The following VPS50 variants were observed in gnomAD, a reference collection of about 807,000 sequenced individuals.
VPS50 encodes the protein VPS50 subunit of EARP/GARPII complex, also known as syndetin.
In VPS50, 70 loss-of-function variants were observed where a neutral mutation model predicts 139.7. The observed-to-expected ratio is 0.50, with a 90% CI of 0.41 to 0.61. The LOEUF (loss-of-function observed/expected upper bound fraction) is 0.61. Ranked by LOEUF, VPS50 falls within the 20% of genes least tolerant of loss-of-function variation. VPS50 has a pLI of 0.00. For missense variants in VPS50, 921 were observed against 1,133.7 expected (o/e 0.81, Z 2.69); for synonymous variants, 365 against 376.7 (o/e 0.97, Z 0.36).
intron 16 of VPS50, among the ~76,000 whole-genome samples, chr7:93,300,758 G>A (rs1037429900): frequency 6.6e-5 from 10 of 151,552 alleles, no homozygotes; most frequent in African/African-American, 2.4e-4. Context: ...GTTTGGTCTC[G>A]TTTTGCTGTT....
rs1317717698 is a variant in VPS50 at position 93,291,759 on chromosome 7, G to A, written c.999G>A (p.Trp333Ter). The part of the protein sequence containing the change: ...PCLADLCKAL[W>*]EVMLSYYRTM... ...TTGCAGACCTGTGCAAAGCACTATGGGAAGTTATGCTCAGCTATTATAGGA... is the reference window on the plus strand; with the variant it reads ...TTGCAGACCTGTGCAAAGCACTATGAGAAGTTATGCTCAGCTATTATAGGA... Residue 333 changes from tryptophan to a stop codon, truncating the protein, a stop_gained, in exon 13 of 28, where the codon TGG (tryptophan) becomes TGA (stop). Coordinates refer to ENST00000305866, the MANE Select transcript of VPS50 (RefSeq NM_017667.4). LOFTEE classifies it high-confidence loss of function. 6.2e-7 allele frequency: 1 copy of A among 1,600,788 alleles called. No individual in the cohort carries two copies.
At chr7:93,311,402 A>G (rs1797263914) in intron 20 of VPS50, 130 bp downstream of exon 20, 1 of 556,564 alleles carries the variant, frequency 1.8e-6, no homozygotes, top group Non-Finnish European at 3.2e-6. Flanking sequence ...AGGTTATCAT[A>G]TGTCAATGCT....
chr7:93,254,548 C>T (rs918276993), intron 4 of VPS50, among the ~76,000 whole-genome samples: 1 of 152,116 alleles, frequency 6.6e-6, no homozygotes, highest in Non-Finnish European at 1.5e-5. Flanking sequence ...ATTAGAGCCG[C>T]AAGCCACTTT....
Position 93,282,174 on chromosome 7 carries a change from A to G in VPS50, c.942+5869A>G, listed in dbSNP as rs1198489140. On this transcript the variant is annotated intron_variant, in intron 12 of 27. Coordinates refer to ENST00000305866, the MANE Select transcript of VPS50 (RefSeq NM_017667.4). Reference sequence around the variant, plus strand: ...AGCTGAGATTGCGCCACTGCACTCCAGCCTGGGGGACAGAGCCAGACTCCG... The same window carrying G: ...AGCTGAGATTGCGCCACTGCACTCCGGCCTGGGGGACAGAGCCAGACTCCG... Among the ~76,000 whole-genome samples the G allele has an allele frequency of 2.6e-5, 4 of 151,970 alleles. No homozygotes were observed. In the East Asian group the frequency reaches 7.7e-4, roughly 29 times the overall value.
At chr7:93,250,954 A>C (rs1795307040) in intron 2 of VPS50, among the ~76,000 whole-genome samples, 2 of 152,258 alleles carry the variant, frequency 1.3e-5, no homozygotes, top group African/African-American at 4.8e-5. Context: ...GTCATTAGGG[A>C]AATCCAAATC....
At chr7:93,294,808 T>C (rs1796759314) in intron 14 of VPS50, among the ~76,000 whole-genome samples, 172 bp downstream of exon 14, 1 of 152,166 alleles carries the variant, frequency 6.6e-6, no homozygotes, top group Non-Finnish European at 1.5e-5. Flanking sequence ...GGACTATAAG[T>C]GGCAGGAAAA....
intron 20 of VPS50, among the ~76,000 whole-genome samples, chr7:93,318,151 T>C (rs1797485557): frequency 1.3e-5 from 2 of 151,946 alleles, no homozygotes; most frequent in East Asian, 3.9e-4. Context: ...TTAGATATTA[T>C]TTACATGAAT....
At chr7:93,277,785 T>C (rs1796203566) in intron 12 of VPS50, among the ~76,000 whole-genome samples, 1 of 152,198 alleles carries the variant, frequency 6.6e-6, no homozygotes, top group South Asian at 2.1e-4. Context: ...GGTATAGCTA[T>C]CATTTGGTAA....
intron 21 of VPS50, among the ~76,000 whole-genome samples, chr7:93,326,107 C>G (rs952643561): frequency 8.6e-5 from 13 of 151,948 alleles, no homozygotes; most frequent in African/African-American, 2.9e-4. Context: ...CCATAGAATA[C>G]TATGCAGCCA....
chr7:93,232,373 C>A lies in VPS50; in HGVS notation c.-95C>A. The stretch of plus-strand genomic sequence containing the variant: ...CTGGGTCGGCTCCTCCACGTGACCA[C>A]CCACTATGGCTTCCTAGTGTCAGGG... On this transcript the variant is annotated 5_prime_UTR_variant, in exon 1 of 28. Transcript: ENST00000305866. The A allele has an allele frequency of 1.9e-6, 2 of 1,046,482 alleles. No homozygotes were observed. Among genetic ancestry groups the A allele is most frequent in the South Asian group, 2.6e-5 (2 of 78,086 alleles). The allele number at this position is 1,046,482 out of a possible 1,614,324, so 64.8% of individuals were successfully genotyped here.
chr7:93,246,249 C>G (rs1282184836), intron 2 of VPS50: 1 of 683,898 alleles, frequency 1.5e-6, no homozygotes, highest in Non-Finnish European at 2.5e-6. Flanking sequence ...AACCGCAAAT[C>G]ATGCTTGTAA....
Position 93,259,607 on chromosome 7 carries a change from A to T in VPS50, c.634A>T (p.Thr212Ser), listed in dbSNP as rs753067603. The change falls in exon 9 of 28, where the codon ACT becomes TCT. Residue 212 changes from threonine (T) to serine (S), a missense_variant. Physicochemically the swap from Thr to Ser is moderately conservative, Grantham distance 58 (BLOSUM62 1). Coordinates refer to ENST00000305866, the MANE Select transcript of VPS50 (RefSeq NM_017667.4). Reference protein sequence around the residue: ...LCLECQKAASTFKHYSCISEL... With the variant: ...LCLECQKAASSFKHYSCISEL... ...CCTTGAATGTCAAAAAGCTGCCAGC[A>T]CTTTTAAACATTACAGTTGTATAAG... 6 of 1,593,696 alleles carry T rather than the reference A, an allele frequency of 3.8e-6. No individual in the cohort carries two copies. In the African/African-American group the frequency reaches 8.1e-5, roughly 21 times the overall value.
chr7:93,312,018 A>G (rs1192488898), intron 20 of VPS50, among the ~76,000 whole-genome samples: 1 of 152,112 alleles, frequency 6.6e-6, no homozygotes, highest in Non-Finnish European at 1.5e-5. Flanking sequence ...GTATTTACCT[A>G]TTGCCTAGTT....
chr7:93,242,139 C>G (rs1795010983), intron 2 of VPS50, among the ~76,000 whole-genome samples: 1 of 151,778 alleles, frequency 6.6e-6, no homozygotes, highest in South Asian at 2.1e-4. Context: ...GCCTACTGGT[C>G]TTTTCCCTAT....
At chr7:93,330,731 G>T (rs1055514357) in intron 21 of VPS50, among the ~76,000 whole-genome samples, 7 of 114,390 alleles carry the variant, frequency 6.1e-5, no homozygotes, top group Non-Finnish European at 8.0e-5. Context: ...TCCAGCCTGG[G>T]CAACTGGGCA....
intron 21 of VPS50, among the ~76,000 whole-genome samples, chr7:93,331,891 A>G (rs754392916): frequency 2.7e-4 from 41 of 152,214 alleles, no homozygotes; most frequent in African/African-American, 9.4e-4. Flanking sequence ...CAACCCACGT[A>G]AAAAATGGGA....
intron 4 of VPS50, among the ~76,000 whole-genome samples, 167 bp downstream of exon 4, chr7:93,254,098 G>T (rs890901673): frequency 6.6e-6 from 1 of 152,148 alleles, no homozygotes; most frequent in Non-Finnish European, 1.5e-5. Flanking sequence ...AAAATTTAAT[G>T]CGTATGGTTT....
chr7:93,260,329 G>A (rs1795626542), intron 9 of VPS50, among the ~76,000 whole-genome samples: 1 of 152,052 alleles, frequency 6.6e-6, no homozygotes, highest in African/African-American at 2.4e-5. Flanking sequence ...ACAAATAAAT[G>A]TACAATCTAA....
At chr7:93,257,245 T>C (rs556415108) in intron 5 of VPS50, 149 bp from the exon 6 acceptor site, 30 of 555,588 alleles carry the variant, frequency 5.4e-5, no homozygotes, top group Non-Finnish European at 8.8e-5. Context: ...AATATACTAA[T>C]AGTTTTCAAG....
Sources: allele counts gnomAD v4.1 joint callset (sites outside exome capture counted in the v4.1 genomes callset), GRCh38; gene constraint gnomAD v4.1.1; transcripts MANE v1.5; gene names NCBI Gene and HGNC (gene_info 2026-07-23, HGNC 2026-07-21).